Variants in STIM1 observed in about 807,000 individuals in gnomAD.
The protein encoded by STIM1 is stromal interaction molecule 1.
In STIM1, 25 loss-of-function variants were observed where a neutral mutation model predicts 74.7. That is an observed-to-expected ratio of 0.33 (90% CI 0.24 to 0.47). The LOEUF (loss-of-function observed/expected upper bound fraction) is 0.47, where lower values mean the gene tolerates loss of function less well. STIM1 is among the 20% of genes least tolerant of loss of function. The probability of loss-of-function intolerance (pLI) is 1.00; values close to 1 mark genes in which losing one functional copy is unlikely to be tolerated. For missense variants in STIM1, 728 were observed against 920.8 expected, an observed-to-expected ratio of 0.79 and a Z score of 2.71; for synonymous variants, 328 against 348.8, an observed-to-expected ratio of 0.94 and a Z score of 0.66.
chr11:3,859,092 T>C (rs1760108598), intron 1 of STIM1, among the ~76,000 whole-genome samples: 1 of 152,268 alleles, frequency 6.6e-6, no homozygotes, highest in South Asian at 2.1e-4. Flanking sequence ...GAGAGTCTTT[T>C]GCAGGGGCCC....
chr11:4,012,793 G>T (rs1040344606), intron 2 of STIM1, among the ~76,000 whole-genome samples: 1 of 152,122 alleles, frequency 6.6e-6, no homozygotes, highest in African/African-American at 2.4e-5. Flanking sequence ...GGGCATCCTT[G>T]TCTTGTGCCA....
intron 2 of STIM1, among the ~76,000 whole-genome samples, chr11:3,979,508 C>T (rs2135791338): frequency 6.6e-6 from 1 of 152,274 alleles, no homozygotes; most frequent in South Asian, 2.1e-4. Flanking sequence ...TGCAGTGGCA[C>T]AATTATGGCT....
chr11:3,961,009 A>AT (rs199832384), intron 1 of STIM1, among the ~76,000 whole-genome samples: 5,029 of 147,166 alleles, frequency 0.034, 187 homozygotes, highest in East Asian at 0.18. Context: ...CTGAAAGGTG[A>AT]TTTTTTTTTT....
At chr11:3,889,238 T>C (rs2091824755) in intron 1 of STIM1, among the ~76,000 whole-genome samples, 1 of 151,370 alleles carries the variant, frequency 6.6e-6, no homozygotes, top group Non-Finnish European at 1.5e-5. Flanking sequence ...TGTTGTTTAA[T>C]AAATGTTGAT....
intron 1 of STIM1, among the ~76,000 whole-genome samples, chr11:3,875,306 T>C (rs1019447196): frequency 1.3e-5 from 2 of 152,232 alleles, no homozygotes; most frequent in African/African-American, 2.4e-5. Flanking sequence ...GGCATCCCTA[T>C]AAGTTGAATT....
chr11:3,965,864 G>A (rs561710346), intron 1 of STIM1, among the ~76,000 whole-genome samples: 14 of 152,048 alleles, frequency 9.2e-5, no homozygotes, highest in African/African-American at 3.1e-4. Flanking sequence ...AAAATTAGCC[G>A]GGCGTGGTGG....
chr11:3,959,220 C>A (rs2093256917), intron 1 of STIM1, among the ~76,000 whole-genome samples: 1 of 152,088 alleles, frequency 6.6e-6, no homozygotes, highest in African/African-American at 2.4e-5. Flanking sequence ...GGGAGAAATT[C>A]TTCTTACTGA....
chr11:3,952,016 C>T (rs550054982), intron 1 of STIM1, among the ~76,000 whole-genome samples: 3 of 152,242 alleles, frequency 2.0e-5, no homozygotes, highest in Non-Finnish European at 4.4e-5. Context: ...AATCAGTATG[C>T]ACCTTTCAGT....
intron 2 of STIM1, among the ~76,000 whole-genome samples, chr11:4,007,774 G>A (rs1408070280): frequency 6.6e-6 from 1 of 152,114 alleles, no homozygotes; most frequent in Non-Finnish European, 1.5e-5. Flanking sequence ...AGGGTCAGAG[G>A]GCATTGTAAG....
chr11:3,979,678 A>C lies in STIM1; in HGVS notation c.270+11996A>C, dbSNP rs142056633. Among the ~76,000 whole-genome samples, 615 of 152,264 alleles carry C rather than the reference A, an allele frequency of 4.0e-3. 2 individuals are homozygous for C. Among genetic ancestry groups the C allele is most frequent in the African/African-American group, 0.014 (584 of 41,554 alleles). ...TGGTATTGAACTCCTGGTCTCAAGC[A>C]ACCCCTCACCTCAGCCTCCCAAGTT... On this transcript the variant is annotated intron_variant, in intron 2 of 12. Coordinates refer to ENST00000526596, the MANE Select transcript of STIM1 (RefSeq NM_001382567.1).
chr11:3,998,644 C>T (rs2093684022), intron 2 of STIM1, among the ~76,000 whole-genome samples: 1 of 152,100 alleles, frequency 6.6e-6, no homozygotes, highest in Admixed American at 6.6e-5. Context: ...AAAATATAGT[C>T]TCTATTTTTG....
chr11:4,078,254 C>T (rs1240928202), intron 7 of STIM1, among the ~76,000 whole-genome samples: 1 of 152,146 alleles, frequency 6.6e-6, no homozygotes, highest in Admixed American at 6.5e-5. Flanking sequence ...CTTGGTGTAG[C>T]TTTCATTTGT....
intron 1 of STIM1, among the ~76,000 whole-genome samples, chr11:3,857,726 A>G (rs1316508225): frequency 2.0e-5 from 3 of 152,196 alleles, no homozygotes; most frequent in Non-Finnish European, 4.4e-5. Context: ...GATACAAGTC[A>G]GAAAAGGAAA....
rs569385266 is a variant in STIM1 at position 4,007,010 on chromosome 11, A to AT, written c.271-16859dup. On this transcript the variant is annotated intron_variant, in intron 2 of 12. Coordinates refer to ENST00000526596, the MANE Select transcript of STIM1 (RefSeq NM_001382567.1). ...CTGGTGGATCAAGCTGGCTGGGCCT[A>AT]TTTTGTAGAAATTATAGAGAGATGT... Among the ~76,000 whole-genome samples the AT allele has an allele frequency of 2.8e-4, 42 of 152,238 alleles. 1 individual carries two copies. The highest frequency in any genetic ancestry group is 3.4e-3 in the Middle Eastern group (1 of 294).
chr11:4,024,004 T>A lies in STIM1; in HGVS notation c.385+17T>A. 6.2e-7 allele frequency: 1 copy of A among 1,600,044 alleles called. No homozygotes were observed. The highest frequency in any genetic ancestry group is 1.1e-5 in the South Asian group (1 of 90,792). On this transcript the variant is annotated intron_variant, in intron 3 of 12. Transcript: ENST00000526596. The stretch of plus-strand genomic sequence containing the variant: ...CATCAGAAGGTAATAGGCAGCCTGG[T>A]CATCAATCCTAGTTGTGGGAAGGTT...
chr11:3,993,518 TG>T (rs1272774115), intron 2 of STIM1, among the ~76,000 whole-genome samples: 2 of 152,058 alleles, frequency 1.3e-5, no homozygotes, highest in African/African-American at 4.8e-5. Context: ...TAGCCGGGCG[TG>T]GTGGCATATG....
At chr11:3,913,955 A>AT (rs1329822020) in intron 1 of STIM1, among the ~76,000 whole-genome samples, 3 of 151,454 alleles carry the variant, frequency 2.0e-5, no homozygotes, top group African/African-American at 4.9e-5. Flanking sequence ...TTTTTTTATT[A>AT]TTTTTTTTGG....
intron 2 of STIM1, among the ~76,000 whole-genome samples, chr11:3,972,637 C>CT (rs59269471): frequency 0.046 from 6,853 of 150,162 alleles, 474 homozygotes; most frequent in African/African-American, 0.15. Flanking sequence ...CACAGTCCTA[C>CT]TTTTTTTTTT....
intron 2 of STIM1, among the ~76,000 whole-genome samples, chr11:3,983,732 A>G (rs2093529718): frequency 6.6e-6 from 1 of 152,206 alleles, no homozygotes; most frequent in South Asian, 2.1e-4. Context: ...GCACCTGAGA[A>G]GCAGAGCTCT....
Sources: allele counts gnomAD v4.1 joint callset (sites outside exome capture counted in the v4.1 genomes callset), GRCh38; gene constraint gnomAD v4.1.1; transcripts MANE v1.5; gene names NCBI Gene and HGNC (gene_info 2026-07-23, HGNC 2026-07-21).